Variants in SMG6 observed in about 807,000 individuals in gnomAD.
The protein encoded by SMG6 is SMG6 nonsense mediated mRNA decay factor.
In SMG6, 66 loss-of-function variants were observed where a neutral mutation model predicts 142.2. The ratio of observed to expected loss-of-function variants is 0.46; its 90% confidence interval spans 0.38 to 0.57. The LOEUF (loss-of-function observed/expected upper bound fraction) is 0.57, where lower values mean the gene tolerates loss of function less well. Ranked by LOEUF, SMG6 falls within the 20% of genes least tolerant of loss-of-function variation. The probability of loss-of-function intolerance (pLI) is 0.00; values close to 1 mark genes in which losing one functional copy is unlikely to be tolerated. For synonymous variants in SMG6, 779 were observed against 702.4 expected (o/e 1.11, Z -1.72); for missense variants, 1,793 against 1,832.0 (o/e 0.98, Z 0.39).
chr17:2,278,270 T>C (rs1410348048), intron 8 of SMG6, among the ~76,000 whole-genome samples: 1 of 151,960 alleles, frequency 6.6e-6, no homozygotes, highest in Non-Finnish European at 1.5e-5. Flanking sequence ...TGGTGCAATC[T>C]TGGCTCACTG....
intron 10 of SMG6, among the ~76,000 whole-genome samples, chr17:2,223,863 C>A (rs949943212): frequency 1.3e-5 from 2 of 152,070 alleles, no homozygotes; most frequent in African/African-American, 4.8e-5. Flanking sequence ...AAACTACATG[C>A]CCTTGCCACC....
intron 4 of SMG6, among the ~76,000 whole-genome samples, chr17:2,294,530 T>C (rs1405517987): frequency 6.6e-6 from 1 of 152,196 alleles, no homozygotes; most frequent in East Asian, 1.9e-4. Flanking sequence ...CACCACGGTG[T>C]TCTCCACTTC....
intron 10 of SMG6, chr17:2,235,643 G>C (rs2073630366): frequency 6.6e-6 from 1 of 152,570 alleles, no homozygotes. Flanking sequence ...TCAGTGTTCT[G>C]AAATGACTCC....
chr17:2,156,810 T>C (rs1167799785), intron 13 of SMG6, among the ~76,000 whole-genome samples: 4 of 152,182 alleles, frequency 2.6e-5, no homozygotes, highest in Non-Finnish European at 5.9e-5. Flanking sequence ...TGCAACGCCA[T>C]GCCTGGCTAA....
chr17:2,211,099 ATT>A (rs2072843445), intron 10 of SMG6, among the ~76,000 whole-genome samples: 2 of 85,876 alleles, frequency 2.3e-5, no homozygotes, highest in Non-Finnish European at 4.9e-5. Flanking sequence ...GCTGGATTTT[ATT>A]AAAAAAAAAA....
rs539900863 is a variant in SMG6 at position 2,282,364 on chromosome 17, T to C, written c.2661+283A>G. ...TCCCACATAGAATCCTAAAGCATCA[T>C]GTTGATGACGCTGAACAAAAAGCAG... On this transcript the variant is annotated intron_variant, in intron 8 of 18. Transcript: ENST00000263073. 4.3e-5 allele frequency among the ~76,000 whole-genome samples: 6 copies of C among 137,950 alleles called. No homozygotes were observed. The South Asian group carries it at 6.8e-4, about 16-fold the overall frequency. 90.5% of individuals were successfully genotyped at this position (137,950 alleles called of 152,430 possible).
At chr17:2,244,584 C>A in intron 9 of SMG6, 74 bp downstream of exon 9, 1 of 1,179,652 alleles carries the variant, frequency 8.5e-7, no homozygotes, top group Non-Finnish European at 1.3e-6. Flanking sequence ...CAAACACAGT[C>A]CAGTTGCTAA....
At chr17:2,150,291 C>CA (rs1479214454) in intron 13 of SMG6, among the ~76,000 whole-genome samples, 1 of 152,220 alleles carries the variant, frequency 6.6e-6, no homozygotes, top group Non-Finnish European at 1.5e-5. Flanking sequence ...ATCCTGAAAC[C>CA]ACCCACTGCT....
chr17:2,224,651 A>G (rs2073265438), intron 10 of SMG6, among the ~76,000 whole-genome samples: 1 of 148,202 alleles, frequency 6.7e-6, no homozygotes, highest in Admixed American at 6.9e-5. Flanking sequence ...CAGAAGGAGA[A>G]GAGAAAGCAT....
intron 13 of SMG6, among the ~76,000 whole-genome samples, chr17:2,090,098 G>A (rs1359997647): frequency 2.7e-5 from 4 of 149,118 alleles, no homozygotes; most frequent in African/African-American, 7.4e-5. Context: ...CAGGAGAATC[G>A]CTTGAATCTG....
chr17:2,122,343 T>C (rs2069728062), intron 13 of SMG6: 1 of 152,012 alleles, frequency 6.6e-6, no homozygotes, highest in African/African-American at 2.4e-5. Context: ...AAAGACAATA[T>C]CTGGAAGCAG....
chr17:2,262,048 G>A (rs2074327458), intron 8 of SMG6, among the ~76,000 whole-genome samples: 1 of 152,126 alleles, frequency 6.6e-6, no homozygotes, highest in Admixed American at 6.6e-5. Flanking sequence ...TCAATAGCAA[G>A]AATAAGGTTT....
chr17:2,282,731 T>C lies in SMG6; in HGVS notation c.2577A>G (p.Pro859=), dbSNP rs751635684. ...TGCCCTGGGAAGACCGTGGATGGGA[T>C]GGATGAATCCAGATCTCCAGGCGAG... ...DTTRLEIWIH[P]SHPRSSQGTE... The change falls in exon 8 of 19, where the codon CCA becomes CCG. Residue 859 remains proline (P), a synonymous_variant. Transcript: ENST00000263073. 2 of 1,614,086 alleles carry C rather than the reference T, an allele frequency of 1.2e-6. No individual in the cohort carries two copies. Among genetic ancestry groups the C allele is most frequent in the Admixed American group, 1.7e-5 (1 of 60,002 alleles).
chr17:2,075,777 A>C (rs544724709), intron 15 of SMG6, among the ~76,000 whole-genome samples: 56 of 152,250 alleles, frequency 3.7e-4, no homozygotes, highest in Non-Finnish European at 6.9e-4. Flanking sequence ...TGTCTCAGGC[A>C]ACAAGACAGA....
At chr17:2,166,275 C>G (rs2071335971) in intron 13 of SMG6, among the ~76,000 whole-genome samples, 1 of 151,954 alleles carries the variant, frequency 6.6e-6, no homozygotes, top group Non-Finnish European at 1.5e-5. Context: ...GAGAATCTAC[C>G]TAATCTGTTC....
intron 13 of SMG6, among the ~76,000 whole-genome samples, chr17:2,161,229 C>T (rs950746484): frequency 1.1e-4 from 17 of 151,386 alleles, no homozygotes; most frequent in African/African-American, 4.1e-4. Context: ...CTCAGCCTCC[C>T]GAGTAGCTGG....
intron 6 of SMG6, among the ~76,000 whole-genome samples, chr17:2,291,299 C>G (rs549820135): frequency 1.3e-5 from 2 of 151,766 alleles, no homozygotes; most frequent in South Asian, 2.1e-4. Flanking sequence ...CCACTGCACT[C>G]CAGCCTGAGC....
chr17:2,115,864 G>A (rs2641437), intron 13 of SMG6, among the ~76,000 whole-genome samples: 52,312 of 151,726 alleles, frequency 0.34, 9,512 homozygotes, highest in African/African-American at 0.46. Context: ...GTACCACCAT[G>A]CCAGGGTAAT....
intron 13 of SMG6, among the ~76,000 whole-genome samples, chr17:2,143,777 T>A (rs1005163587): frequency 2.6e-5 from 4 of 152,254 alleles, no homozygotes; most frequent in Admixed American, 1.3e-4. Flanking sequence ...TTAAAACATC[T>A]TCACTCTTAT....
Sources: allele counts gnomAD v4.1 joint callset (sites outside exome capture counted in the v4.1 genomes callset), GRCh38; gene constraint gnomAD v4.1.1; transcripts MANE v1.5; gene names NCBI Gene and HGNC (gene_info 2026-07-23, HGNC 2026-07-21).